Variants in ZFPM2 observed in about 807,000 individuals in gnomAD.
ZFPM2 encodes zinc finger protein, FOG family member 2.
ZFPM2 carries 20 observed loss-of-function variants against 98.6 expected under a neutral mutation model. That is an observed-to-expected ratio of 0.20 (90% confidence interval 0.14 to 0.29). The LOEUF (loss-of-function observed/expected upper bound fraction) is 0.29. Among genes scored for constraint, ZFPM2 ranks in the 10% least tolerant of loss-of-function variants. The pLI is 1.00. For missense variants in ZFPM2, 1,310 were observed against 1,388.6 expected (o/e 0.94, Z 0.90); for synonymous variants, 518 against 502.7 (o/e 1.03, Z -0.41).
At chr8:105,739,790 A>C (rs1183005304) in intron 5 of ZFPM2, among the ~76,000 whole-genome samples, 1 of 151,960 alleles carries the variant, frequency 6.6e-6, no homozygotes, top group Non-Finnish European at 1.5e-5. Context: ...TCATCTTAGG[A>C]GTATTTCAAA....
At chr8:105,693,980 C>CTTTTTTTT (rs376834507) in intron 5 of ZFPM2, among the ~76,000 whole-genome samples, 44 of 118,396 alleles carry the variant, frequency 3.7e-4, no homozygotes, top group East Asian at 7.4e-4. Flanking sequence ...TTTTTCTTTT[C>CTTTTTTTT]TTTTTTTTTT....
intron 1 of ZFPM2, among the ~76,000 whole-genome samples, chr8:105,337,933 G>C (rs1812358781): frequency 6.6e-6 from 1 of 151,576 alleles, no homozygotes; most frequent in African/African-American, 2.4e-5. Flanking sequence ...AAGTATATAT[G>C]TAATTTTGTG....
At chr8:105,380,286 G>A (rs1810821221) in intron 1 of ZFPM2, among the ~76,000 whole-genome samples, 1 of 151,824 alleles carries the variant, frequency 6.6e-6, no homozygotes, top group African/African-American at 2.4e-5. Context: ...TAAGTAAAGT[G>A]GAGTTGAGTT....
intron 4 of ZFPM2, among the ~76,000 whole-genome samples, 191 bp downstream of exon 4, chr8:105,561,672 T>G: frequency 6.6e-6 from 1 of 152,180 alleles, no homozygotes; most frequent in East Asian, 1.9e-4. Context: ...ACGCAGAATT[T>G]AGACAGAAAC....
chr8:105,664,498 C>A (rs1352153998), intron 5 of ZFPM2, among the ~76,000 whole-genome samples: 1 of 152,062 alleles, frequency 6.6e-6, no homozygotes, highest in Non-Finnish European at 1.5e-5. Flanking sequence ...CCATTCCTGG[C>A]TAATTTTGTA....
At chr8:105,518,294 C>T (rs1032777788) in intron 3 of ZFPM2, among the ~76,000 whole-genome samples, 5 of 151,960 alleles carry the variant, frequency 3.3e-5, no homozygotes, top group African/African-American at 1.2e-4. Flanking sequence ...CTGCAATTTC[C>T]TTGTGCTTGG....
intron 5 of ZFPM2, among the ~76,000 whole-genome samples, chr8:105,700,421 T>C (rs1811115713): frequency 6.6e-6 from 1 of 152,238 alleles, no homozygotes; most frequent in Non-Finnish European, 1.5e-5. Flanking sequence ...GTTGCCTGGT[T>C]ATTTGATTAA....
intron 4 of ZFPM2, among the ~76,000 whole-genome samples, chr8:105,626,512 C>T (rs1021782418): frequency 1.8e-4 from 28 of 152,046 alleles, no homozygotes; most frequent in African/African-American, 6.3e-4. Flanking sequence ...TCGCGTACAG[C>T]ACCATTTTTT....
At chr8:105,784,804 T>A (rs1227896987) in intron 5 of ZFPM2, 3 of 145,458 alleles carry the variant, frequency 2.1e-5, no homozygotes, top group Non-Finnish European at 4.4e-5. Context: ...CCAAGAGTGA[T>A]CACACTCTGA....
At chr8:105,368,273 A>G (rs1810548308) in intron 1 of ZFPM2, among the ~76,000 whole-genome samples, 1 of 151,604 alleles carries the variant, frequency 6.6e-6, no homozygotes, top group Non-Finnish European at 1.5e-5. Context: ...CTCTTTTTCT[A>G]TTGATTGGAA....
At chr8:105,577,910 C>T (rs1302501684) in intron 4 of ZFPM2, among the ~76,000 whole-genome samples, 1 of 151,850 alleles carries the variant, frequency 6.6e-6, no homozygotes, top group Admixed American at 6.6e-5. Context: ...CTGTCTGTAA[C>T]CTTAACTAAG....
chr8:105,645,829 G>A (rs1487055435), intron 5 of ZFPM2, among the ~76,000 whole-genome samples: 2 of 152,002 alleles, frequency 1.3e-5, no homozygotes, highest in Admixed American at 1.3e-4. Flanking sequence ...CAAGGCAGAC[G>A]GATCATAAGG....
chr8:105,462,240 C>T (rs1812717030), intron 3 of ZFPM2, among the ~76,000 whole-genome samples: 1 of 152,220 alleles, frequency 6.6e-6, no homozygotes, highest in Admixed American at 6.5e-5. Flanking sequence ...CACCCTGGCT[C>T]CAGTCACTGG....
At chr8:105,478,346 AT>A (rs1813051794) in intron 3 of ZFPM2, among the ~76,000 whole-genome samples, 1 of 152,244 alleles carries the variant, frequency 6.6e-6, no homozygotes, top group South Asian at 2.1e-4. Flanking sequence ...TACTGAAAAA[AT>A]GCTATTTGGA....
At chr8:105,667,896 T>C (rs758839474) in intron 5 of ZFPM2, among the ~76,000 whole-genome samples, 5 of 152,234 alleles carry the variant, frequency 3.3e-5, no homozygotes, top group Non-Finnish European at 7.3e-5. Context: ...TGATTTCTAT[T>C]GTGATACACC....
chr8:105,411,962 C>T (rs1701647859), intron 1 of ZFPM2, among the ~76,000 whole-genome samples: 1 of 151,772 alleles, frequency 6.6e-6, no homozygotes, highest in Admixed American at 6.6e-5. Context: ...GAGGCTTGCA[C>T]ATGTTCTAAG....
chr8:105,369,096 G>A (rs555419731), intron 1 of ZFPM2, among the ~76,000 whole-genome samples: 1 of 152,252 alleles, frequency 6.6e-6, no homozygotes, highest in South Asian at 2.1e-4. Flanking sequence ...AACCACACAT[G>A]AAGGAGCCCA....
chr8:105,747,432 G>T (rs1812374111), intron 5 of ZFPM2, among the ~76,000 whole-genome samples: 1 of 151,982 alleles, frequency 6.6e-6, no homozygotes. Flanking sequence ...CACATGTAAT[G>T]TTCTCTGAGT....
intron 1 of ZFPM2, among the ~76,000 whole-genome samples, chr8:105,375,697 TA>T (rs1810712545): frequency 6.6e-6 from 1 of 152,172 alleles, no homozygotes; most frequent in African/African-American, 2.4e-5. Flanking sequence ...ACTATTTTCT[TA>T]TATCATTTAT....
Sources: gnomAD v4.1 joint callset for allele counts (sites outside exome capture counted in the v4.1 genomes callset) on GRCh38, gnomAD v4.1.1 for gene constraint, MANE v1.5 for transcripts, NCBI Gene and HGNC (gene_info 2026-07-23, HGNC 2026-07-21) for gene names.